OSTF1: variants seen among roughly 807,000 people sequenced by gnomAD.
OSTF1 encodes osteoclast-stimulating factor 1.
In OSTF1, 27 loss-of-function variants were observed where a neutral mutation model predicts 37.2. The observed-to-expected ratio is 0.73, with a 90% CI of 0.54 to 1.00. The LOEUF (loss-of-function observed/expected upper bound fraction) is 1.00. Ranked by LOEUF, OSTF1 falls within the 50% of genes least tolerant of loss-of-function variation. The pLI is 0.00. For synonymous variants in OSTF1, 82 were observed against 89.2 expected (o/e 0.92, Z 0.46); for missense variants, 232 against 253.8 (o/e 0.91, Z 0.58).
chr9:75,113,614 A>G (rs532387961), intron 1 of OSTF1, among the ~76,000 whole-genome samples: 9 of 152,114 alleles, frequency 5.9e-5, no homozygotes, highest in African/African-American at 2.2e-4. Context: ...ATGCCTGGCT[A>G]ATTTTTGTAT....
intron 2 of OSTF1, among the ~76,000 whole-genome samples, chr9:75,126,732 A>G (rs1437725446): frequency 6.6e-6 from 1 of 152,132 alleles, no homozygotes; most frequent in Non-Finnish European, 1.5e-5. Flanking sequence ...AGCTATGATT[A>G]CAGGCATCCC....
At chr9:75,089,545 A>G (rs1343372515) in intron 1 of OSTF1, among the ~76,000 whole-genome samples, 1 of 152,194 alleles carries the variant, frequency 6.6e-6, no homozygotes, top group Non-Finnish European at 1.5e-5. Flanking sequence ...TAAAAGTTGT[A>G]ACATACTGTT....
chr9:75,094,352 T>C, intron 1 of OSTF1, among the ~76,000 whole-genome samples: 1 of 151,836 alleles, frequency 6.6e-6, no homozygotes, highest in East Asian at 1.9e-4. Context: ...GTAAAACGCT[T>C]TGATACAAAA....
rs1337767305 is a variant in OSTF1, at chr9:75,094,404, G to T, written c.34+5678G>T. Reference sequence around the variant, plus strand: ...TTTTTTTCCCTGAAAGAAGGTGGGGGTGGACTCAGAGACTGTGATTGGGCT... The same window carrying T: ...TTTTTTTCCCTGAAAGAAGGTGGGGTTGGACTCAGAGACTGTGATTGGGCT... On this transcript the variant is annotated intron_variant, in intron 1 of 9. Transcript: ENST00000346234. 6.9e-4 allele frequency among the ~76,000 whole-genome samples: 104 copies of T among 151,682 alleles called. 1 individual carries two copies. The highest frequency in any genetic ancestry group is 6.8e-3 in the Admixed American group (103 of 15,236).
intron 7 of OSTF1, among the ~76,000 whole-genome samples, chr9:75,137,098 A>T (rs1421932899): frequency 2.0e-5 from 3 of 152,166 alleles, no homozygotes; most frequent in African/African-American, 7.2e-5. Context: ...TTATTGGGTC[A>T]TCTGGCAGCA....
intron 1 of OSTF1, among the ~76,000 whole-genome samples, chr9:75,111,160 A>G (rs528854449): frequency 1.3e-5 from 2 of 152,318 alleles, no homozygotes; most frequent in African/African-American, 2.4e-5. Context: ...CAGGGCCTCA[A>G]AAATGAGCTG....
At chr9:75,088,770 G>T in intron 1 of OSTF1, 44 bp downstream of exon 1, 1 of 1,565,110 alleles carries the variant, frequency 6.4e-7, no homozygotes, top group Non-Finnish European at 8.7e-7. Flanking sequence ...TGCGACCGCC[G>T]CGGTGCCGGC....
chr9:75,131,895 T>A, intron 5 of OSTF1, 72 bp downstream of exon 5: 1 of 1,079,322 alleles, frequency 9.3e-7, no homozygotes, highest in Non-Finnish European at 1.4e-6. Flanking sequence ...CTTTGACAAG[T>A]GCATACACCC....
chr9:75,127,590 GA>G lies in OSTF1; in HGVS notation c.105del (p.Gly36ValfsTer9). 1 of 1,581,180 alleles carries G rather than the reference GA, an allele frequency of 6.3e-7. No homozygotes were observed. Among genetic ancestry groups the G allele is most frequent in the Non-Finnish European group, 8.6e-7 (1 of 1,160,670 alleles). ...CTAGCCAGATGAATTATACTTTGAG[GA>G]AGGTGATATTATCTACATTACTGAC... ...PRTPDELYFE[E>X]GDIIYITDMS... On this transcript the variant is annotated frameshift_variant, in exon 3 of 10. Transcript: ENST00000346234. LOFTEE classifies it high-confidence loss of function.
At chr9:75,128,945 A>T (rs1825720036) in intron 3 of OSTF1, among the ~76,000 whole-genome samples, 1 of 152,062 alleles carries the variant, frequency 6.6e-6, no homozygotes, top group Non-Finnish European at 1.5e-5. Context: ...CCAACCCAAT[A>T]ATAATATGTT....
intron 1 of OSTF1, among the ~76,000 whole-genome samples, chr9:75,110,558 C>G (rs548645006): frequency 9.9e-5 from 15 of 152,148 alleles, no homozygotes; most frequent in African/African-American, 3.6e-4. Flanking sequence ...TAAGTGAAGC[C>G]CATCTAAGTG....
intron 1 of OSTF1, among the ~76,000 whole-genome samples, chr9:75,092,759 G>A (rs141634042): frequency 3.7e-4 from 56 of 152,154 alleles, no homozygotes; most frequent in African/African-American, 5.3e-4. Flanking sequence ...TCAGAACAGC[G>A]TCTCAGCTTC....
chr9:75,096,301 G>C (rs1162789780), intron 1 of OSTF1, among the ~76,000 whole-genome samples: 1 of 152,224 alleles, frequency 6.6e-6, no homozygotes, highest in Non-Finnish European at 1.5e-5. Flanking sequence ...TGGGATTAGA[G>C]TTGGGGGATG....
intron 2 of OSTF1, among the ~76,000 whole-genome samples, chr9:75,125,403 A>C (rs994323077): frequency 6.6e-6 from 1 of 152,196 alleles, no homozygotes; most frequent in East Asian, 1.9e-4. Context: ...TCATCAGAAC[A>C]TTTTTGAGGC....
chr9:75,118,086 G>T (rs573335669), intron 2 of OSTF1, among the ~76,000 whole-genome samples: 1 of 152,322 alleles, frequency 6.6e-6, no homozygotes, highest in African/African-American at 2.4e-5. Context: ...GGATGGTCTC[G>T]TAGAGCTTGC....
intron 1 of OSTF1, among the ~76,000 whole-genome samples, chr9:75,103,955 G>A (rs115924862): frequency 6.6e-6 from 1 of 152,174 alleles, no homozygotes; most frequent in Admixed American, 6.5e-5. Context: ...TGGGCTGGGC[G>A]TTATGGCTCA....
chr9:75,145,171 C>CTATA (rs1826002786), intron 9 of OSTF1, among the ~76,000 whole-genome samples: 1 of 63,030 alleles, frequency 1.6e-5, no homozygotes, highest in Non-Finnish European at 3.2e-5. Flanking sequence ...ACCTATCTAT[C>CTATA]TATCTAATCT....
At chr9:75,137,789 T>C (rs1587476199) in intron 8 of OSTF1, among the ~76,000 whole-genome samples, 173 bp downstream of exon 8, 1 of 152,324 alleles carries the variant, frequency 6.6e-6, no homozygotes, top group Admixed American at 6.5e-5. Context: ...TTATTGGGGG[T>C]TGGTTTGTGT....
In OSTF1 at chr9:75,128,380, A is replaced by T. The variant is rs1176432079; in HGVS notation, c.132+761A>T. Among the ~76,000 whole-genome samples, 35 of 84,790 alleles carry T rather than the reference A, an allele frequency of 4.1e-4. 1 individual carries two copies. Among genetic ancestry groups the T allele is most frequent in the African/African-American group, 1.9e-3 (35 of 18,718 alleles). The allele number at this position is 84,790 out of a possible 152,430, so 55.6% of individuals were successfully genotyped here. ...ATGAAAGACATATATATATATATAT[A>T]TATATATATATATATATATATATAT... On this transcript the variant is annotated intron_variant, in intron 3 of 9. Coordinates refer to ENST00000346234, the MANE Select transcript of OSTF1 (RefSeq NM_012383.5).
Sources: allele counts gnomAD v4.1 joint callset (sites outside exome capture counted in the v4.1 genomes callset), GRCh38; gene constraint gnomAD v4.1.1; transcripts MANE v1.5; gene names NCBI Gene and HGNC (gene_info 2026-07-23, HGNC 2026-07-21).